RNF126: variants seen among roughly 807,000 people sequenced by gnomAD.
RNF126 encodes the protein ring finger protein 126, also known as E3 ubiquitin-protein ligase RNF126.
A neutral mutation model predicts 41.9 loss-of-function variants in RNF126; 20 were observed. The observed-to-expected ratio is 0.48, with a 90% CI of 0.34 to 0.69. The LOEUF is 0.69. Ranked by LOEUF, RNF126 falls within the 30% of genes least tolerant of loss-of-function variation. RNF126 has a pLI of 0.01. For missense variants in RNF126, 433 were observed against 460.6 expected (o/e 0.94, Z 0.55); for synonymous variants, 239 against 202.9 (o/e 1.18, Z -1.51).
intron 6 of RNF126, chr19:649,467 G>A (rs1034465623): frequency 1.7e-6 from 1 of 572,518 alleles, no homozygotes; most frequent in African/African-American, 1.9e-5. Context: ...AACGTTCCGC[G>A]TGAACACAGG....
rs775963264 is a variant in RNF126 at position 648,134 on chromosome 19, G to A, written c.930C>T (p.Asn310=). The A allele has an allele frequency of 1.3e-6, 2 of 1,585,468 alleles. No homozygotes were observed. Among genetic ancestry groups the A allele is most frequent in the South Asian group, 2.3e-5 (2 of 87,872 alleles). Residue 310 remains asparagine (N), a synonymous_variant, in exon 9 of 9, where the codon AAC becomes AAT. Transcript: ENST00000292363. The stretch of plus-strand genomic sequence containing the variant: ...CCCGACGGCCGACGTGGGCTCACGA[G>A]TTGCTTGTGGCGTTCTCGTTGCTGG... The part of the protein sequence containing the change: ...SSPSNENATS[N]S
At chr19:653,860 T>TG (rs1285987803) in intron 1 of RNF126, among the ~76,000 whole-genome samples, 1 of 152,216 alleles carries the variant, frequency 6.6e-6, no homozygotes, top group Non-Finnish European at 1.5e-5. Context: ...GGGGCTCACA[T>TG]GGGGGTCCCA....
chr19:653,920 G>A (rs371523615), intron 1 of RNF126, among the ~76,000 whole-genome samples: 7 of 152,232 alleles, frequency 4.6e-5, no homozygotes, highest in Admixed American at 1.3e-4. Flanking sequence ...GGCTCCCACC[G>A]TGCATGGGGG....
Position 648,951 on chromosome 19 carries a change from C to A in RNF126, c.601G>T (p.Gly201Cys). The A allele has an allele frequency of 7.0e-7, 1 of 1,424,706 alleles. No individual in the cohort carries two copies. Among genetic ancestry groups the A allele is most frequent in the Non-Finnish European group, 9.2e-7 (1 of 1,088,234 alleles). The allele number at this position is 1,424,706 out of a possible 1,614,324, so 88.3% of individuals were successfully genotyped here. ...TTCTCTTTATCTGCCGGTGGGGGGCCTGTGTTTTCAAACTGATTGAGGAGC... is the reference window on the plus strand; with the variant it reads ...TTCTCTTTATCTGCCGGTGGGGGGCATGTGTTTTCAAACTGATTGAGGAGC... ...TQLLNQFENT[G>C]PPPADKEKIQ... Residue 201 changes from glycine (G) to cysteine (C), a missense_variant, in exon 7 of 9, where the codon GGC (glycine) becomes TGC (cysteine). Physicochemically the swap from Gly to Cys is radical, Grantham distance 159. Around this residue, in one of 5 missense-constraint regions of RNF126, gnomAD observed 97 missense variants for 121.7 expected, o/e 0.80. Coordinates refer to ENST00000292363, the MANE Select transcript of RNF126 (RefSeq NM_194460.3).
chr19:658,586 G>A (rs573907438), intron 1 of RNF126, among the ~76,000 whole-genome samples: 9 of 152,278 alleles, frequency 5.9e-5, no homozygotes, highest in East Asian at 5.8e-4. Context: ...GGGCACGTGC[G>A]GCGCCTGCAC....
chr19:653,781 C>CT (rs2030437734), intron 1 of RNF126, among the ~76,000 whole-genome samples: 1 of 152,212 alleles, frequency 6.6e-6, no homozygotes, highest in Admixed American at 6.5e-5. Context: ...TCTCTATGAA[C>CT]GACCCAGTCT....
intron 1 of RNF126, among the ~76,000 whole-genome samples, chr19:657,293 G>A (rs749023121): frequency 2.0e-5 from 3 of 152,202 alleles, no homozygotes; most frequent in Admixed American, 6.5e-5. Flanking sequence ...CCCATGTGCC[G>A]AGCTCAGCCC....
chr19:658,469 G>A (rs1010863853), intron 1 of RNF126, among the ~76,000 whole-genome samples: 4 of 152,112 alleles, frequency 2.6e-5, no homozygotes, highest in African/African-American at 4.8e-5. Flanking sequence ...TCATGGTGCA[G>A]TGCTCGGCCT....
intron 1 of RNF126, among the ~76,000 whole-genome samples, chr19:660,416 C>A (rs903686171): frequency 2.6e-5 from 4 of 152,212 alleles, no homozygotes; most frequent in Non-Finnish European, 4.4e-5. Flanking sequence ...GCAGCCAGTC[C>A]CCCCTGCGTC....
rs2030174861 is a variant in RNF126, at chr19:649,659, G to GT, written c.576+19_576+20insA. On this transcript the variant is annotated intron_variant, in intron 6 of 8. Coordinates refer to ENST00000292363, the MANE Select transcript of RNF126 (RefSeq NM_194460.3). ...CCAGCCCTCCCCCAGCAGGCACTCTGGGCCGTGGCCACGCTGTACCTGTGT... is the reference window on the plus strand; with the variant it reads ...CCAGCCCTCCCCCAGCAGGCACTCTGTGGCCGTGGCCACGCTGTACCTGTGT... 7.1e-6 allele frequency: 11 copies of GT among 1,551,764 alleles called. No individual in the cohort carries two copies. The highest frequency in any genetic ancestry group is 1.9e-5 in the Admixed American group (1 of 51,944).
chr19:652,692 G>C (rs1302054068), intron 2 of RNF126, 134 bp downstream of exon 2: 1 of 785,852 alleles, frequency 1.3e-6, no homozygotes, highest in South Asian at 1.6e-5. Context: ...ACAGAGAAAA[G>C]TGCTCCCGGA....
At chr19:657,487 C>CT (rs2030608352) in intron 1 of RNF126, among the ~76,000 whole-genome samples, 1 of 152,232 alleles carries the variant, frequency 6.6e-6, no homozygotes, top group South Asian at 2.1e-4. Context: ...GCCGTGGGGC[C>CT]TGGTGCCACA....
At position 650,481 on chromosome 19, in the gene RNF126, G is replaced by A. The variant is rs575933898; in HGVS notation, c.444-185C>T. The A allele has an allele frequency of 2.1e-5, 11 of 526,596 alleles. No individual in the cohort carries two copies. The Admixed American group carries it at 3.8e-4, about 18-fold the overall frequency. 32.6% of individuals were successfully genotyped at this position (526,596 alleles called of 1,614,324 possible). On this transcript the variant is annotated intron_variant, in intron 4 of 8. Coordinates refer to ENST00000292363, the MANE Select transcript of RNF126 (RefSeq NM_194460.3). ...TGCCGAGGCAGGAGAGAAGCAGCTT[G>A]ATCTTGGTTCACTGCAGCCCCAACC...
Position 651,827 on chromosome 19 carries a change from G to A in RNF126, c.227C>T (p.Pro76Leu), listed in dbSNP as rs768843086. ...EHVDQHLFTL[P>L]QGYGQFAFGI... ...GAAAGCAAACTGTCCGTAGCCCTGC[G>A]GCAGCGTGAACAGGTGCTGGTCCAC... The change falls in exon 4 of 9, where the codon CCG (proline) becomes CTG (leucine). Residue 76 changes from proline (P) to leucine (L), a missense_variant. Pro to Leu is a moderately conservative substitution (Grantham distance 98). Coordinates refer to ENST00000292363, the MANE Select transcript of RNF126 (RefSeq NM_194460.3). 187 of 1,611,794 alleles carry A rather than the reference G, an allele frequency of 1.2e-4. No homozygotes were observed. Among genetic ancestry groups the A allele is most frequent in the Non-Finnish European group, 1.4e-4 (161 of 1,179,520 alleles).
chr19:655,502 G>A (rs544432443), intron 1 of RNF126, among the ~76,000 whole-genome samples: 2 of 139,528 alleles, frequency 1.4e-5, no homozygotes, highest in African/African-American at 3.2e-5. Flanking sequence ...AAAGAAAAGT[G>A]GGGGGGGAAA....
chr19:663,153 C>T lies in RNF126; in HGVS notation c.-32G>A. ...CGCCACCTACTCCGCGCCGCCCGCC[C>T]CCCGCGCGGCACCCGCCGCCGGCCG... On this transcript the variant is annotated 5_prime_UTR_variant, in exon 1 of 9. Coordinates refer to ENST00000292363, the MANE Select transcript of RNF126 (RefSeq NM_194460.3). 1.5e-5 allele frequency: 17 copies of T among 1,113,438 alleles called. No individual in the cohort carries two copies. The highest frequency in any genetic ancestry group is 1.8e-5 in the Non-Finnish European group (16 of 896,202). The allele number at this position is 1,113,438 out of a possible 1,614,324, so 69.0% of individuals were successfully genotyped here.
intron 1 of RNF126, among the ~76,000 whole-genome samples, chr19:661,869 T>G (rs772983793): frequency 5.9e-5 from 9 of 152,034 alleles, no homozygotes; most frequent in Non-Finnish European, 1.0e-4. Context: ...CTGCGGCTGC[T>G]CCCCTCAAGC....
Position 647,911 on chromosome 19 carries a change from G to A in RNF126, c.*217C>T, listed in dbSNP as rs1313535157. On this transcript the variant is annotated 3_prime_UTR_variant, in exon 9 of 9. Coordinates refer to ENST00000292363, the MANE Select transcript of RNF126 (RefSeq NM_194460.3). ...AGGGTGAGGTTAGACAGAGGACGGG[G>A]AGGCTGGGGACGCCCCAGAGGGGAC... The A allele has an allele frequency of 1.6e-6, 1 of 637,818 alleles. No homozygotes were observed. Among genetic ancestry groups the A allele is most frequent in the Non-Finnish European group, 2.8e-6 (1 of 361,058 alleles). The allele number at this position is 637,818 out of a possible 1,614,324, so 39.5% of individuals were successfully genotyped here.
chr19:650,930 C>T (rs1182965228), intron 4 of RNF126, among the ~76,000 whole-genome samples: 4 of 152,090 alleles, frequency 2.6e-5, no homozygotes, highest in African/African-American at 7.2e-5. Context: ...GGCCTCCCTA[C>T]ATTGCTCAGG....
Sources: gnomAD v4.1 joint callset for allele counts (sites outside exome capture counted in the v4.1 genomes callset) on GRCh38, gnomAD v4.1.1 for gene constraint, gnomAD v4.1.1 regional missense constraint, MANE v1.5 for transcripts, NCBI Gene and HGNC (gene_info 2026-07-23, HGNC 2026-07-21) for gene names.